METAP1D: variants seen among roughly 807,000 people sequenced by gnomAD.
The protein encoded by METAP1D is methionine aminopeptidase 1D, mitochondrial.
METAP1D carries 31 observed loss-of-function variants against 40.5 expected under a neutral mutation model. That is an observed-to-expected ratio of 0.77 (90% CI 0.58 to 1.03). METAP1D has a LOEUF of 1.03. Among genes scored for constraint, METAP1D ranks in the 50% least tolerant of loss-of-function variants. The probability of loss-of-function intolerance (pLI) is 0.00; values close to 1 mark genes in which losing one functional copy is unlikely to be tolerated. For missense variants in METAP1D, 411 were observed against 420.7 expected (o/e 0.98, Z 0.20); for synonymous variants, 151 against 146.4 (o/e 1.03, Z -0.22).
Position 172,077,893 on chromosome 2 carries a change from T to TG in METAP1D, c.802+1dup. ...ATGGACATCCAGAAATTTGGCATCA[T>TG]GGTAAGAAAGTTCATTTGGAGGCTG... On this transcript the variant is annotated frameshift_variant and splice_region_variant, in exon 7 of 10. Coordinates refer to ENST00000315796, the MANE Select transcript of METAP1D (RefSeq NM_199227.3). LOFTEE classifies it high-confidence loss of function. 6.3e-7 allele frequency: 1 copy of TG among 1,582,820 alleles called. No individual in the cohort carries two copies. The highest frequency in any genetic ancestry group is 1.1e-5 in the South Asian group (1 of 89,306).
At chr2:172,014,915 G>C (rs977582064) in intron 1 of METAP1D, among the ~76,000 whole-genome samples, 3 of 152,100 alleles carry the variant, frequency 2.0e-5, no homozygotes, top group Non-Finnish European at 4.4e-5. Flanking sequence ...GCCTCCCTAA[G>C]TGCTGGGATT....
At chr2:172,078,669 A>G (rs1171449530) in intron 7 of METAP1D, among the ~76,000 whole-genome samples, 2 of 152,204 alleles carry the variant, frequency 1.3e-5, no homozygotes, top group African/African-American at 4.8e-5. Flanking sequence ...TTTGGACCAA[A>G]GAGCCCCCAC....
intron 1 of METAP1D, among the ~76,000 whole-genome samples, chr2:172,037,681 C>CA (rs1689427260): frequency 6.6e-6 from 1 of 152,174 alleles, no homozygotes; most frequent in Non-Finnish European, 1.5e-5. Flanking sequence ...AGCTGAAGCT[C>CA]AACAGTTGAG....
chr2:172,070,235 T>G (rs1202614053), intron 5 of METAP1D, among the ~76,000 whole-genome samples: 1 of 152,228 alleles, frequency 6.6e-6, no homozygotes, highest in Non-Finnish European at 1.5e-5. Context: ...TAAGCTTGTT[T>G]TATTATATTC....
At position 172,061,537 on chromosome 2, in the gene METAP1D, A is replaced by G. The variant is rs758990173; in HGVS notation, c.80A>G (p.Tyr27Cys). 24 of 1,613,790 alleles carry G rather than the reference A, an allele frequency of 1.5e-5. No individual in the cohort carries two copies. The highest frequency in any genetic ancestry group is 1.8e-5 in the Non-Finnish European group (21 of 1,179,860). ...RIFSSPLNHI[Y>C]LHKQSSSQQR... ...TTCTCTTCACCACTCAATCATATCT[A>G]CTTACACAAGCAGTCAAGCAGTCAA... Residue 27 changes from tyrosine to cysteine, a missense_variant, in exon 2 of 10, where the codon TAC becomes TGC. Transcript: ENST00000315796.
At chr2:172,005,186 T>C (rs1688550464) in intron 1 of METAP1D, among the ~76,000 whole-genome samples, 1 of 152,094 alleles carries the variant, frequency 6.6e-6, no homozygotes, top group Non-Finnish European at 1.5e-5. Context: ...TTCAATAGTT[T>C]TTGGGGTACA....
At chr2:172,030,981 A>C (rs1689229430) in intron 1 of METAP1D, among the ~76,000 whole-genome samples, 2 of 152,264 alleles carry the variant, frequency 1.3e-5, no homozygotes, top group South Asian at 4.1e-4. Flanking sequence ...AATTTTCTCA[A>C]GTACTCATCA....
chr2:172,012,252 A>G lies in METAP1D; in HGVS notation c.40+12243A>G, dbSNP rs1263367726. ...TTAAGAATTGATATTTCAAAGGACA[A>G]CTCCTCTCTGTGGTCTTCTGTCCTC... On this transcript the variant is annotated intron_variant, in intron 1 of 9. Transcript: ENST00000315796. 4.6e-5 allele frequency among the ~76,000 whole-genome samples: 7 copies of G among 151,294 alleles called. No homozygotes were observed. In the East Asian group the frequency reaches 5.8e-4, roughly 13 times the overall value.
intron 1 of METAP1D, among the ~76,000 whole-genome samples, chr2:172,047,824 A>G (rs1221644684): frequency 6.6e-6 from 1 of 152,242 alleles, no homozygotes; most frequent in East Asian, 1.9e-4. Context: ...GAATCTTCCT[A>G]TAACATAATT....
chr2:172,079,155 G>GTTT, intron 7 of METAP1D, 60 bp from the exon 8 acceptor site: 2 of 1,374,196 alleles, frequency 1.5e-6, no homozygotes, highest in Non-Finnish European at 2.0e-6. Context: ...CCTGTAATCT[G>GTTT]TTTTTTTTTT....
chr2:172,031,993 G>A lies in METAP1D; in HGVS notation c.41-29505G>A, dbSNP rs947908651. Among the ~76,000 whole-genome samples the A allele has an allele frequency of 6.9e-4, 105 of 152,148 alleles. 1 individual carries two copies. Among genetic ancestry groups the A allele is most frequent in the African/African-American group, 2.4e-3 (99 of 41,436 alleles). ...GGTCAAACATGTGTAACGGTGCCCT[G>A]GGGCACCAAGCATGCCCTCGGGGAG... On this transcript the variant is annotated intron_variant, in intron 1 of 9. Transcript: ENST00000315796.
In METAP1D at chr2:172,061,559, T is replaced by G; in HGVS notation, c.102T>G (p.Ser34Arg). 6.2e-7 allele frequency: 1 copy of G among 1,613,822 alleles called. No homozygotes were observed. Among genetic ancestry groups the G allele is most frequent in the Non-Finnish European group, 8.5e-7 (1 of 1,179,860 alleles). The change falls in exon 2 of 10, where the codon AGT (serine) becomes AGG (arginine). Residue 34 changes from serine (S) to arginine (R), a missense_variant. Physicochemically the swap from Ser to Arg is moderately radical, Grantham distance 110. Transcript: ENST00000315796. ...NHIYLHKQSS[S>R]QQRRNFFFRR... is the part of the protein sequence containing the mutation. ...TCTACTTACACAAGCAGTCAAGCAG[T>G]CAACAAAGAAGAAATTTCTTTTTTC...
chr2:172,017,768 TTGGGTAATTGTCAC>T (rs367821280), intron 1 of METAP1D, among the ~76,000 whole-genome samples: 236 of 151,998 alleles, frequency 1.6e-3, no homozygotes, highest in Non-Finnish European at 3.0e-3. Flanking sequence ...GTTTGAGAAA[TTGGGTAATTGTCAC>T]TAGGTAAAGG....
At chr2:172,046,318 C>G (rs1213208928) in intron 1 of METAP1D, among the ~76,000 whole-genome samples, 1 of 151,938 alleles carries the variant, frequency 6.6e-6, no homozygotes, top group East Asian at 1.9e-4. Context: ...TAGGAAAATA[C>G]TGTTGACCCA....
intron 5 of METAP1D, among the ~76,000 whole-genome samples, chr2:172,069,667 A>T (rs533939836): frequency 2.3e-4 from 35 of 152,324 alleles, no homozygotes; most frequent in Non-Finnish European, 2.8e-4. Context: ...GTGGGAGTAA[A>T]TGTATAAAAC....
intron 1 of METAP1D, among the ~76,000 whole-genome samples, chr2:172,060,956 A>G (rs1690126163): frequency 6.6e-6 from 1 of 152,246 alleles, no homozygotes; most frequent in South Asian, 2.1e-4. Flanking sequence ...TTTCAGTGTT[A>G]TACTTACATT....
chr2:172,010,140 T>G (rs1284794245), intron 1 of METAP1D, among the ~76,000 whole-genome samples: 2 of 150,604 alleles, frequency 1.3e-5, no homozygotes, highest in Non-Finnish European at 3.0e-5. Context: ...TTTTTGTCCC[T>G]TCTTTTTTTT....
intron 1 of METAP1D, among the ~76,000 whole-genome samples, chr2:172,007,165 ATTTTTTTTT>A (rs139762342): frequency 0.46 from 61,827 of 134,258 alleles, 14,775 homozygotes; most frequent in Middle Eastern, 0.65. Flanking sequence ...ATGTCATGTA[ATTTTTTTTT>A]TTTTTTTTTT....
At chr2:172,018,657 G>A (rs111640819) in intron 1 of METAP1D, among the ~76,000 whole-genome samples, 9 of 152,222 alleles carry the variant, frequency 5.9e-5, no homozygotes, top group East Asian at 1.9e-4. Flanking sequence ...ATAGTATCCC[G>A]GTTAAGGGTG....
Sources: allele counts gnomAD v4.1 joint callset (sites outside exome capture counted in the v4.1 genomes callset), GRCh38; gene constraint gnomAD v4.1.1; transcripts MANE v1.5; gene names NCBI Gene and HGNC (gene_info 2026-07-23, HGNC 2026-07-21).